The following HOXC11 variants were observed in gnomAD, a reference collection of about 807,000 sequenced individuals.
The protein encoded by HOXC11 is homeobox C11, also known as homeobox protein Hox-C11.
A neutral mutation model predicts 23.6 loss-of-function variants in HOXC11; 17 were observed. The observed-to-expected ratio is 0.72, with a 90% CI of 0.49 to 1.08. The LOEUF is 1.08. Among genes scored for constraint, HOXC11 ranks in the 50% least tolerant of loss-of-function variants. HOXC11 has a pLI of 0.00. For missense variants in HOXC11, 413 were observed against 412.1 expected, an observed-to-expected ratio of 1.00 and a Z score of -0.02; for synonymous variants, 196 against 183.8, an observed-to-expected ratio of 1.07 and a Z score of -0.54.
rs934103744 is a variant in HOXC11 at position 53,975,701 on chromosome 12, A to G, written c.*288A>G. On this transcript the variant is annotated 3_prime_UTR_variant, in exon 2 of 2. Transcript: ENST00000546378. ...GGCCAAGACTTTGATTTAAAAGAAA[A>G]CACACCTCGGCGACAATGTCTTGCT... is the stretch of plus-strand genomic sequence containing the variant. 5.4e-6 allele frequency: 3 copies of G among 556,000 alleles called. No homozygotes were observed. The highest frequency in any genetic ancestry group is 9.5e-6 in the Non-Finnish European group (3 of 315,700). The allele number at this position is 556,000 out of a possible 1,614,324, so 34.4% of individuals were successfully genotyped here.
In HOXC11 at chr12:53,975,204, C is replaced by A. The variant is rs1018136618; in HGVS notation, c.706C>A (p.Arg236Ser). ...AGACGCCCCCCGCACCCGCAAGAAG[C>A]GCTGCCCTTATTCGAAATTCCAGAT... ...APNAPRTRKK[R>S]CPYSKFQIRE... Residue 236 changes from arginine to serine, a missense_variant, in exon 2 of 2, where the codon CGC becomes AGC. Arg to Ser is a moderately radical substitution (Grantham distance 110, BLOSUM62 -1). Coordinates refer to ENST00000546378, the MANE Select transcript of HOXC11 (RefSeq NM_014212.4). 1.2e-6 allele frequency: 2 copies of A among 1,610,398 alleles called. No homozygotes were observed. Among genetic ancestry groups the A allele is most frequent in the Non-Finnish European group, 1.7e-6 (2 of 1,179,230 alleles).
In HOXC11 at chr12:53,973,455, G is replaced by A; in HGVS notation, c.214G>A (p.Glu72Lys). 3 of 1,614,104 alleles carry A rather than the reference G, an allele frequency of 1.9e-6. No homozygotes were observed. Among genetic ancestry groups the A allele is most frequent in the South Asian group, 1.1e-5 (1 of 91,074 alleles). Residue 72 changes from glutamate to lysine, a missense_variant, in exon 1 of 2, where the codon GAG (glutamate) becomes AAG (lysine). By Grantham distance (56) the Glu-to-Lys change is moderately conservative (BLOSUM62 1). Transcript: ENST00000546378. The surrounding 1 kb of genome is among the most constrained non-coding windows in gnomAD (Gnocchi z 4.3). The stretch of plus-strand genomic sequence containing the variant: ...CTCGGCCCAAGTGCCCCCGGTCCGG[G>A]AGGTCTCCTACGGCCTGGAGCCATC... Reference protein sequence around the residue: ...PYSAQVPPVREVSYGLEPSGK... With the variant: ...PYSAQVPPVRKVSYGLEPSGK...
At position 53,975,211 on chromosome 12, in the gene HOXC11, C is replaced by G; in HGVS notation, c.713C>G (p.Pro238Arg). 1 of 1,611,450 alleles carries G rather than the reference C, an allele frequency of 6.2e-7. No individual in the cohort carries two copies. Among genetic ancestry groups the G allele is most frequent in the Non-Finnish European group, 8.5e-7 (1 of 1,179,686 alleles). ...NAPRTRKKRC[P>R]YSKFQIRELE... Reference sequence around the variant, plus strand: ...CCCCGCACCCGCAAGAAGCGCTGCCCTTATTCGAAATTCCAGATCCGGGAA... The same window carrying G: ...CCCCGCACCCGCAAGAAGCGCTGCCGTTATTCGAAATTCCAGATCCGGGAA... The change falls in exon 2 of 2, where the codon CCT (proline) becomes CGT (arginine). Residue 238 changes from proline (P) to arginine (R), a missense_variant. Pro to Arg is a moderately radical substitution (Grantham distance 103). Transcript: ENST00000546378.
chr12:53,973,727 C>A lies in HOXC11; in HGVS notation c.486C>A (p.Gly162=). The A allele has an allele frequency of 6.2e-7, 1 of 1,612,174 alleles. No individual in the cohort carries two copies. The highest frequency in any genetic ancestry group is 8.5e-7 in the Non-Finnish European group (1 of 1,179,454). The stretch of plus-strand genomic sequence containing the variant: ...TCTTCGACAACGCCTACTGCGGTGG[C>A]GGCGACCCGCCCGCCGAGCCCCCCT... ...DRFFDNAYCG[G]GDPPAEPPCS... Residue 162 remains glycine, a synonymous_variant, in exon 1 of 2, where the codon GGC becomes GGA. Coordinates refer to ENST00000546378, the MANE Select transcript of HOXC11 (RefSeq NM_014212.4). This position sits in a 1 kb window ranked among gnomAD's most constrained non-coding sequence, Gnocchi z 4.3.
chr12:53,975,187 C>A lies in HOXC11; in HGVS notation c.689C>A (p.Pro230His). The change falls in exon 2 of 2, where the codon CCC becomes CAC. Residue 230 changes from proline (P) to histidine (H), a missense_variant. Transcript: ENST00000546378. The stretch of plus-strand genomic sequence containing the variant: ...CCCCCTCCCCTCCCTCCAGACGCCC[C>A]CCGCACCCGCAAGAAGCGCTGCCCT... ...EPAKGAAPNA[P>H]RTRKKRCPYS... The A allele has an allele frequency of 6.2e-7, 1 of 1,604,958 alleles. No individual in the cohort carries two copies. The highest frequency in any genetic ancestry group is 8.5e-7 in the Non-Finnish European group (1 of 1,176,094).
Position 53,973,358 on chromosome 12 carries a change from C to G in HOXC11, c.117C>G (p.Tyr39Ter). 2 of 1,613,260 alleles carry G rather than the reference C, an allele frequency of 1.2e-6. No homozygotes were observed. The highest frequency in any genetic ancestry group is 1.7e-6 in the Non-Finnish European group (2 of 1,179,756). ...ASNLYLPSCTYYMPEFSTVSS... is the reference protein window; with the variant it reads ...ASNLYLPSCT Reference sequence around the variant, plus strand: ...ACCTCTATCTGCCCAGTTGCACTTACTACATGCCCGAGTTCTCCACGGTCT... The same window carrying G: ...ACCTCTATCTGCCCAGTTGCACTTAGTACATGCCCGAGTTCTCCACGGTCT... The change falls in exon 1 of 2, where the codon TAC becomes TAG. Residue 39 changes from tyrosine (Y) to a stop codon, truncating the protein, a stop_gained. Coordinates refer to ENST00000546378, the MANE Select transcript of HOXC11 (RefSeq NM_014212.4). LOFTEE classifies it high-confidence loss of function. The surrounding 1 kb of genome is among the most constrained non-coding windows in gnomAD (Gnocchi z 4.3).
rs1233781466 is a variant in HOXC11 at position 53,975,197 on chromosome 12, C to A, written c.699C>A (p.Arg233=). 6.2e-7 allele frequency: 1 copy of A among 1,607,164 alleles called. No individual in the cohort carries two copies. The highest frequency in any genetic ancestry group is 1.7e-5 in the Admixed American group (1 of 59,338). ...TCCCTCCAGACGCCCCCCGCACCCG[C>A]AAGAAGCGCTGCCCTTATTCGAAAT... The part of the protein sequence containing the change: ...KGAAPNAPRT[R]KKRCPYSKFQ... The change falls in exon 2 of 2, where the codon CGC becomes CGA. Residue 233 remains arginine (R), a synonymous_variant. Coordinates refer to ENST00000546378, the MANE Select transcript of HOXC11 (RefSeq NM_014212.4).
chr12:53,973,947 G>T lies in HOXC11; in HGVS notation c.682+24G>T, dbSNP rs1052991036. On this transcript the variant is annotated intron_variant, in intron 1 of 1. Transcript: ENST00000546378. The surrounding 1 kb of genome is among the most constrained non-coding windows in gnomAD (Gnocchi z 4.3). ...CAGTAGGTAGCAGCGGCCGGGGAAC[G>T]GGCGGGCAGCGAGGGAGGGAGCGAG... 2 of 1,434,946 alleles carry T rather than the reference G, an allele frequency of 1.4e-6. No individual in the cohort carries two copies. The highest frequency in any genetic ancestry group is 1.5e-5 in the African/African-American group (1 of 68,896). The allele number at this position is 1,434,946 out of a possible 1,614,324, so 88.9% of individuals were successfully genotyped here.
Position 53,976,493 on chromosome 12 carries a change from G to A in HOXC11, c.*1080G>A, listed in dbSNP as rs1434852196. ...CCTCCATGCTCCCATGGCAGCGGCGGAGGAGGAGGAGGCAGGCAGGCAGAG... is the reference window on the plus strand; with the variant it reads ...CCTCCATGCTCCCATGGCAGCGGCGAAGGAGGAGGAGGCAGGCAGGCAGAG... On this transcript the variant is annotated 3_prime_UTR_variant, in exon 2 of 2. Coordinates refer to ENST00000546378, the MANE Select transcript of HOXC11 (RefSeq NM_014212.4). 5.7e-6 allele frequency: 1 copy of A among 174,944 alleles called. No homozygotes were observed. Among genetic ancestry groups the A allele is most frequent in the Non-Finnish European group, 1.2e-5 (1 of 80,816 alleles). 10.8% of individuals were successfully genotyped at this position (174,944 alleles called of 1,614,324 possible). A position where few individuals can be genotyped will look rare whatever the true frequency, so the allele number is the denominator to read the frequency against.
At position 53,976,494 on chromosome 12, in the gene HOXC11, A is replaced by C. The variant is rs982477409; in HGVS notation, c.*1081A>C. The C allele has an allele frequency of 7.5e-5, 13 of 173,882 alleles. No individual in the cohort carries two copies. The highest frequency in any genetic ancestry group is 2.1e-4 in the African/African-American group (9 of 42,064). 10.8% of individuals were successfully genotyped at this position (173,882 alleles called of 1,614,324 possible). ...CTCCATGCTCCCATGGCAGCGGCGGAGGAGGAGGAGGCAGGCAGGCAGAGC... is the reference window on the plus strand; with the variant it reads ...CTCCATGCTCCCATGGCAGCGGCGGCGGAGGAGGAGGCAGGCAGGCAGAGC... On this transcript the variant is annotated 3_prime_UTR_variant, in exon 2 of 2. Coordinates refer to ENST00000546378, the MANE Select transcript of HOXC11 (RefSeq NM_014212.4).
rs1237833961 is a variant in HOXC11, at chr12:53,973,257, A to G, written c.16A>G (p.Asn6Asp). The G allele has an allele frequency of 6.9e-6, 11 of 1,605,508 alleles. No individual in the cohort carries two copies. Among genetic ancestry groups the G allele is most frequent in the Non-Finnish European group, 9.3e-6 (11 of 1,176,742 alleles). The change falls in exon 1 of 2, where the codon AAC becomes GAC. Residue 6 changes from asparagine to aspartate, a missense_variant. Transcript: ENST00000546378. The surrounding 1 kb of genome is among the most constrained non-coding windows in gnomAD (Gnocchi z 4.3). MFNSV[N>D]LGNFCSPSRK... ...GAGGAGAACGATGTTTAACTCGGTC[A>G]ACCTGGGCAACTTCTGCTCTCCGTC...
rs1414660255 is a variant in HOXC11 at position 53,975,061 on chromosome 12, G to A, written c.683-120G>A. 34 of 601,328 alleles carry A rather than the reference G, an allele frequency of 5.7e-5. No homozygotes were observed. In the South Asian group the frequency reaches 6.7e-4, roughly 12 times the overall value. 37.2% of individuals were successfully genotyped at this position (601,328 alleles called of 1,614,324 possible). A position where few individuals can be genotyped will look rare whatever the true frequency, so the allele number is the denominator to read the frequency against. On this transcript the variant is annotated intron_variant, in intron 1 of 1. Transcript: ENST00000546378. ...TGCAGGAGAGCCAGCCGCCTGGCGG[G>A]AGGGCTGCCCGCGGTGGGCTAGGAG...
In HOXC11 at chr12:53,973,917, G is replaced by T; in HGVS notation, c.676G>T (p.Ala226Ser). ...GGCCAAGGAGCCGGCCAAAGGAGCC[G>T]CCCCCAGTAGGTAGCAGCGGCCGGG... Reference protein sequence around the residue: ...SVAKEPAKGAAPNAPRTRKKR... With the variant: ...SVAKEPAKGASPNAPRTRKKR... The change falls in exon 1 of 2, where the codon GCC becomes TCC. Residue 226 changes from alanine to serine, a missense_variant. By Grantham distance (99) the Ala-to-Ser change is moderately conservative. Transcript: ENST00000546378. The surrounding 1 kb of genome is among the most constrained non-coding windows in gnomAD (Gnocchi z 4.3). 6.9e-7 allele frequency: 1 copy of T among 1,440,786 alleles called. No homozygotes were observed. The highest frequency in any genetic ancestry group is 9.1e-7 in the Non-Finnish European group (1 of 1,094,944). 89.3% of individuals were successfully genotyped at this position (1,440,786 alleles called of 1,614,324 possible). A position where few individuals can be genotyped will look rare whatever the true frequency, so the allele number is the denominator to read the frequency against.
At position 53,976,127 on chromosome 12, in the gene HOXC11, C is replaced by CTTTTTTTTTTTTTT. The variant is rs768935038; in HGVS notation, c.*717_*730dup. 3.3e-5 allele frequency: 6 copies of CTTTTTTTTTTTTTT among 181,228 alleles called. No individual in the cohort carries two copies. Among genetic ancestry groups the CTTTTTTTTTTTTTT allele is most frequent in the African/African-American group, 1.4e-4 (5 of 35,950 alleles). 11.2% of individuals were successfully genotyped at this position (181,228 alleles called of 1,614,324 possible). On this transcript the variant is annotated 3_prime_UTR_variant, in exon 2 of 2. Coordinates refer to ENST00000546378, the MANE Select transcript of HOXC11 (RefSeq NM_014212.4). ...GCTATAGTCTATGCAGTCGTTACCT[C>CTTTTTTTTTTTTTT]TTTTTTTTTTTTTTTTAAGAAAATT...
Position 53,973,856 on chromosome 12 carries a change from C to A in HOXC11, c.615C>A (p.Asn205Lys). Reference sequence around the variant, plus strand: ...CCGAGGCGGAGGCTGAGGAGGAGAACACAAATCCCAGCTCGTCCGGTTCAG... The same window carrying A: ...CCGAGGCGGAGGCTGAGGAGGAGAAAACAAATCCCAGCTCGTCCGGTTCAG... ...AGAEAEAEEE[N>K]TNPSSSGSAH... Residue 205 changes from asparagine (N) to lysine (K), a missense_variant, in exon 1 of 2, where the codon AAC becomes AAA. By Grantham distance (94) the Asn-to-Lys change is moderately conservative. Transcript: ENST00000546378. The surrounding 1 kb of genome is among the most constrained non-coding windows in gnomAD (Gnocchi z 4.3). 6.8e-7 allele frequency: 1 copy of A among 1,480,016 alleles called. No homozygotes were observed. The highest frequency in any genetic ancestry group is 8.9e-7 in the Non-Finnish European group (1 of 1,119,162). 91.7% of individuals were successfully genotyped at this position (1,480,016 alleles called of 1,614,324 possible).
In HOXC11 at chr12:53,975,808, T is replaced by C. The variant is rs1013083389; in HGVS notation, c.*395T>C. On this transcript the variant is annotated 3_prime_UTR_variant, in exon 2 of 2. Transcript: ENST00000546378. ...CGAACTAAAAGCCTTCCCTTGCCCA[T>C]GTGAAAAGATCCGCTAAGACAGCAT... is the stretch of plus-strand genomic sequence containing the variant. The C allele has an allele frequency of 6.6e-6, 3 of 454,824 alleles. No individual in the cohort carries two copies. The highest frequency in any genetic ancestry group is 5.7e-4 in the Middle Eastern group (1 of 1,766). 28.2% of individuals were successfully genotyped at this position (454,824 alleles called of 1,614,324 possible). A position where few individuals can be genotyped will look rare whatever the true frequency, so the allele number is the denominator to read the frequency against.
chr12:53,977,228 G>A lies in HOXC11; in HGVS notation c.*1815G>A, dbSNP rs969021089. On this transcript the variant is annotated 3_prime_UTR_variant, in exon 2 of 2. Transcript: ENST00000546378. ...TCATGGCCCTTGCAGTGCTTTCAGT[G>A]AGGGCACTTCGTTGGTCTCTGTTTC... The A allele has an allele frequency of 1.1e-4, 16 of 152,238 alleles. No individual in the cohort carries two copies. Among genetic ancestry groups the A allele is most frequent in the African/African-American group, 3.9e-4 (16 of 41,454 alleles). 9.4% of individuals were successfully genotyped at this position (152,238 alleles called of 1,614,324 possible). A position where few individuals can be genotyped will look rare whatever the true frequency, so the allele number is the denominator to read the frequency against.
At position 53,975,236 on chromosome 12, in the gene HOXC11, A is replaced by G; in HGVS notation, c.738A>G (p.Glu246=). ...RCPYSKFQIR[E]LEREFFFNVY... is the part of the protein sequence containing the mutation. ...CTTATTCGAAATTCCAGATCCGGGAACTGGAGCGAGAGTTTTTCTTCAACG... is the reference window on the plus strand; with the variant it reads ...CTTATTCGAAATTCCAGATCCGGGAGCTGGAGCGAGAGTTTTTCTTCAACG... Residue 246 remains glutamate, a synonymous_variant, in exon 2 of 2, where the codon GAA becomes GAG. Transcript: ENST00000546378. The G allele has an allele frequency of 6.2e-7, 1 of 1,611,184 alleles. No homozygotes were observed. Among genetic ancestry groups the G allele is most frequent in the East Asian group, 2.2e-5 (1 of 44,678 alleles).
In HOXC11 at chr12:53,973,807, T is replaced by C. The variant is rs750125152; in HGVS notation, c.566T>C (p.Leu189Pro). The change falls in exon 1 of 2, where the codon CTG becomes CCG. Residue 189 changes from leucine to proline, a missense_variant. Transcript: ENST00000546378. The surrounding 1 kb of genome is among the most constrained non-coding windows in gnomAD (Gnocchi z 4.3). ...GEPEAPPASGLASRAEAGAEA... is the reference protein window; with the variant it reads ...GEPEAPPASGPASRAEAGAEA... ...CCCGAGGCACCCCCGGCCTCGGGAC[T>C]GGCGTCCCGGGCTGAGGCGGGTGCC... 4 of 1,539,198 alleles carry C rather than the reference T, an allele frequency of 2.6e-6. No homozygotes were observed. The South Asian group carries it at 4.7e-5, about 18-fold the overall frequency.
Sources: allele counts gnomAD v4.1 joint callset, GRCh38; gene constraint gnomAD v4.1.1; non-coding constraint Gnocchi (gnomAD v3.1); transcripts MANE v1.5; gene names NCBI Gene and HGNC (gene_info 2026-07-23, HGNC 2026-07-21).